Variants in SHROOM3 observed in about 807,000 individuals in gnomAD.
SHROOM3 encodes protein Shroom3.
A neutral mutation model predicts 138.6 loss-of-function variants in SHROOM3; 47 were observed. The observed-to-expected ratio is 0.34, with a 90% CI of 0.27 to 0.43. The LOEUF (loss-of-function observed/expected upper bound fraction) is 0.43, where lower values mean the gene tolerates loss of function less well. Among genes scored for constraint, SHROOM3 ranks in the 20% least tolerant of loss-of-function variants. SHROOM3 has a pLI of 1.00. For missense variants in SHROOM3, 2,491 were observed against 2,596.5 expected, an observed-to-expected ratio of 0.96 and a Z score of 0.88; for synonymous variants, 1,062 against 1,063.3, an observed-to-expected ratio of 1.00 and a Z score of 0.02.
chr4:76,595,254 C>G (rs1272334144), intron 2 of SHROOM3, among the ~76,000 whole-genome samples: 2 of 152,194 alleles, frequency 1.3e-5, no homozygotes, highest in Non-Finnish European at 2.9e-5. Context: ...GGCAGCTATT[C>G]ACTTTCTTTT....
At chr4:76,534,739 A>G (rs1307428961) in intron 1 of SHROOM3, among the ~76,000 whole-genome samples, 1 of 152,024 alleles carries the variant, frequency 6.6e-6, no homozygotes, top group Non-Finnish European at 1.5e-5. Context: ...TACTCTACCC[A>G]TTGTCCTGGG....
intron 2 of SHROOM3, among the ~76,000 whole-genome samples, chr4:76,694,365 G>GT (rs33989502): frequency 5.2e-4 from 79 of 151,704 alleles, no homozygotes; most frequent in Admixed American, 1.3e-3. Context: ...CTTTTTGTTT[G>GT]TTTTTTTTTG....
rs73826419 is a variant in SHROOM3, at chr4:76,672,150, T to A, written c.324-38006T>A. On this transcript the variant is annotated intron_variant, in intron 2 of 10. Coordinates refer to ENST00000296043, the MANE Select transcript of SHROOM3 (RefSeq NM_020859.4). Reference sequence around the variant, plus strand: ...GACACAGTGAGAAAGAAAGTCAAGATGATTTATCCCTCTAAAAAAAATGAA... The same window carrying A: ...GACACAGTGAGAAAGAAAGTCAAGAAGATTTATCCCTCTAAAAAAAATGAA... 8.6e-3 allele frequency among the ~76,000 whole-genome samples: 1,307 copies of A among 152,262 alleles called. 20 individuals are homozygous for A. Among genetic ancestry groups the A allele is most frequent in the African/African-American group, 0.03 (1,250 of 41,536 alleles).
At chr4:76,576,436 G>A (rs1733942170) in intron 2 of SHROOM3, among the ~76,000 whole-genome samples, 1 of 152,102 alleles carries the variant, frequency 6.6e-6, no homozygotes, top group African/African-American at 2.4e-5. Flanking sequence ...TTGTTTGTGG[G>A]ATCTAAAAAT....
At position 76,741,496 on chromosome 4, in the gene SHROOM3, A is replaced by G; in HGVS notation, c.3323A>G (p.Glu1108Gly). The stretch of plus-strand genomic sequence containing the variant: ...TCCGCCGCCGGCTGCAGCCTCCAGG[A>G]GCCCGGGCCACTGCGTGAGCGCGCC... ...PTSAAGCSLQ[E>G]PGPLRERAQS... The change falls in exon 5 of 11, where the codon GAG becomes GGG. Residue 1108 changes from glutamate to glycine, a missense_variant. By Grantham distance (98) the Glu-to-Gly change is moderately conservative. This residue lies in a region of SHROOM3 where 1,733 missense variants were observed against 1,661.6 expected (regional missense o/e 1.04). Transcript: ENST00000296043. The surrounding 1 kb of genome is among the most constrained non-coding windows in gnomAD (Gnocchi z 6.2). 6 of 1,555,958 alleles carry G rather than the reference A, an allele frequency of 3.9e-6. No homozygotes were observed. The highest frequency in any genetic ancestry group is 5.2e-6 in the Non-Finnish European group (6 of 1,155,610).
rs115478333 is a variant in SHROOM3 at position 76,490,261 on chromosome 4, G to A, written c.168+54041G>A. Among the ~76,000 whole-genome samples the A allele has an allele frequency of 5.7e-3, 864 of 152,206 alleles. 6 individuals are homozygous for A. Among genetic ancestry groups the A allele is most frequent in the East Asian group, 0.04 (208 of 5,178 alleles). On this transcript the variant is annotated intron_variant, in intron 1 of 10. Coordinates refer to ENST00000296043, the MANE Select transcript of SHROOM3 (RefSeq NM_020859.4). ...GCCGGCAATCAGTCTGACTGGTTGT[G>A]GACAGCAACCATTCAGAGGCTGGAG...
At chr4:76,602,734 G>C (rs1353251881) in intron 2 of SHROOM3, among the ~76,000 whole-genome samples, 1 of 152,158 alleles carries the variant, frequency 6.6e-6, no homozygotes. Flanking sequence ...AAATACGACA[G>C]AAGAGTTAGG....
chr4:76,527,471 T>G (rs560895257), intron 1 of SHROOM3, among the ~76,000 whole-genome samples: 12 of 152,316 alleles, frequency 7.9e-5, no homozygotes, highest in African/African-American at 2.9e-4. Context: ...TAATCCCAGC[T>G]ACTCGGGAGG....
chr4:76,567,020 AT>A (rs1487381734), intron 2 of SHROOM3, among the ~76,000 whole-genome samples: 2 of 152,204 alleles, frequency 1.3e-5, no homozygotes, highest in Non-Finnish European at 1.5e-5. Flanking sequence ...CAGCTGCCAG[AT>A]TGCTTAGTAC....
intron 2 of SHROOM3, among the ~76,000 whole-genome samples, chr4:76,619,340 G>T (rs1243848310): frequency 6.6e-6 from 1 of 152,078 alleles, no homozygotes; most frequent in Non-Finnish European, 1.5e-5. Context: ...TGATCACAGT[G>T]CTGAGTCCCT....
intron 2 of SHROOM3, among the ~76,000 whole-genome samples, chr4:76,690,547 T>G (rs1242348828): frequency 2.0e-5 from 3 of 152,216 alleles, no homozygotes; most frequent in Non-Finnish European, 4.4e-5. Flanking sequence ...GTTCTGTGCA[T>G]TTTCTGTTTT....
chr4:76,681,508 G>A (rs2030533632), intron 2 of SHROOM3, among the ~76,000 whole-genome samples: 1 of 151,736 alleles, frequency 6.6e-6, no homozygotes, highest in South Asian at 2.1e-4. Flanking sequence ...TCAGCTGGGA[G>A]ACAGAAACTT....
chr4:76,555,582 G>A (rs1411289296), intron 1 of SHROOM3, 27 bp from the exon 2 acceptor site: 1 of 1,612,150 alleles, frequency 6.2e-7, no homozygotes, highest in Non-Finnish European at 8.5e-7. Flanking sequence ...GCTCACTCGT[G>A]GCTGTCGCAT....
rs1730540946 is a variant in SHROOM3, at chr4:76,435,330, T to G, written c.-723T>G. On this transcript the variant is annotated 5_prime_UTR_variant, in exon 1 of 11. The change creates a new upstream start codon in the 5' untranslated region. Coordinates refer to ENST00000296043, the MANE Select transcript of SHROOM3 (RefSeq NM_020859.4). ...AAGAACTGAGCTGCCTCCTTCATATTTTTTCCATTGAGGATTAATTTACCG... is the reference window on the plus strand; with the variant it reads ...AAGAACTGAGCTGCCTCCTTCATATGTTTTCCATTGAGGATTAATTTACCG... The G allele has an allele frequency of 6.6e-6, 1 of 152,228 alleles. No individual in the cohort carries two copies. The highest frequency in any genetic ancestry group is 1.5e-5 in the Non-Finnish European group (1 of 68,038). The allele number at this position is 152,228 out of a possible 1,614,324, so 9.4% of individuals were successfully genotyped here. A position where few individuals can be genotyped will look rare whatever the true frequency, so the allele number is the denominator to read the frequency against.
At chr4:76,512,086 C>T (rs550282768) in intron 1 of SHROOM3, among the ~76,000 whole-genome samples, 1 of 152,112 alleles carries the variant, frequency 6.6e-6, no homozygotes, top group East Asian at 1.9e-4. Context: ...TTGGGGATTT[C>T]CAGGCAGAAG....
At chr4:76,567,641 C>G (rs1403719624) in intron 2 of SHROOM3, among the ~76,000 whole-genome samples, 2 of 152,090 alleles carry the variant, frequency 1.3e-5, no homozygotes, top group Non-Finnish European at 2.9e-5. Flanking sequence ...CAGAGCGAGA[C>G]TCCATCTCAA....
chr4:76,731,940 G>C (rs1720898575), intron 4 of SHROOM3, among the ~76,000 whole-genome samples: 1 of 152,140 alleles, frequency 6.6e-6, no homozygotes, highest in African/African-American at 2.4e-5. Flanking sequence ...TGCTTTTCTA[G>C]CTACTGTTTG....
chr4:76,716,286 C>T, intron 3 of SHROOM3: 1 of 518,544 alleles, frequency 1.9e-6, no homozygotes, highest in Non-Finnish European at 3.9e-6. Context: ...ACTTGTGAGG[C>T]TTTTACCATG....
At chr4:76,470,833 A>G (rs1210019427) in intron 1 of SHROOM3, among the ~76,000 whole-genome samples, 2 of 152,160 alleles carry the variant, frequency 1.3e-5, no homozygotes, top group Non-Finnish European at 2.9e-5. Context: ...AGCATGCCAC[A>G]TTTCAAGCAG....
Sources: gnomAD v4.1 joint callset for allele counts (sites outside exome capture counted in the v4.1 genomes callset) on GRCh38, gnomAD v4.1.1 for gene constraint, gnomAD v4.1.1 regional missense constraint, Gnocchi (gnomAD v3.1) non-coding constraint, MANE v1.5 for transcripts, NCBI Gene and HGNC (gene_info 2026-07-23, HGNC 2026-07-21) for gene names.